SLC22A8: variants seen among roughly 807,000 people sequenced by gnomAD.
The protein encoded by SLC22A8 is solute carrier family 22 member 8.
Under a neutral mutation model 48.4 loss-of-function variants are expected in SLC22A8, and 40 were observed. The observed-to-expected ratio is 0.83, with a 90% CI of 0.64 to 1.08. The LOEUF is 1.08. SLC22A8 is among the 50% of genes least tolerant of loss of function. The pLI, the probability that SLC22A8 is intolerant of heterozygous loss-of-function variation, is 0.00. For synonymous variants in SLC22A8, 268 were observed against 286.3 expected (o/e 0.94, Z 0.65); for missense variants, 606 against 699.0 (o/e 0.87, Z 1.50).
At chr11:62,998,336 C>T (rs748004821) in intron 5 of SLC22A8, among the ~76,000 whole-genome samples, 15 of 152,190 alleles carry the variant, frequency 9.9e-5, no homozygotes, top group Non-Finnish European at 1.9e-4. Flanking sequence ...TCTCTGCCCA[C>T]TCTGGGTCTC....
intron 2 of SLC22A8, among the ~76,000 whole-genome samples, chr11:63,002,547 G>A (rs541610082): frequency 1.1e-4 from 16 of 151,530 alleles, no homozygotes; most frequent in Non-Finnish European, 2.2e-4. Context: ...CCTTCCCCCC[G>A]AGCTTTTGGT....
chr11:63,012,553 C>T (rs368947110), intron 2 of SLC22A8, among the ~76,000 whole-genome samples: 14 of 152,164 alleles, frequency 9.2e-5, no homozygotes, highest in South Asian at 2.1e-4. Flanking sequence ...CCAGCAAGCC[C>T]GCCTCAATCC....
chr11:63,006,844 T>C (rs1022314304), intron 2 of SLC22A8, among the ~76,000 whole-genome samples: 1 of 151,856 alleles, frequency 6.6e-6, no homozygotes, highest in Non-Finnish European at 1.5e-5. Context: ...CCTGACCTCA[T>C]GATCCTCCCG....
chr11:63,015,334 A>G (rs1413619515), intron 1 of SLC22A8, among the ~76,000 whole-genome samples: 3 of 152,204 alleles, frequency 2.0e-5, no homozygotes, highest in African/African-American at 7.2e-5. Context: ...GCACCTGCGG[A>G]CACGAGCATG....
At chr11:62,999,630 C>T (rs1284707393) in intron 4 of SLC22A8, 58 bp downstream of exon 4, 2 of 1,388,532 alleles carry the variant, frequency 1.4e-6, no homozygotes, top group Non-Finnish European at 1.9e-6. Context: ...ACCCCATTCT[C>T]TTTTGGCTTC....
At chr11:62,996,277 G>C in intron 5 of SLC22A8, 125 bp from the exon 6 acceptor site, 1 of 945,846 alleles carries the variant, frequency 1.1e-6, no homozygotes. Context: ...TCTCACTGCA[G>C]ATTTCATGGA....
chr11:63,009,101 C>G (rs1393936272), intron 2 of SLC22A8, among the ~76,000 whole-genome samples: 1 of 152,042 alleles, frequency 6.6e-6, no homozygotes, highest in Non-Finnish European at 1.5e-5. Flanking sequence ...TCCCAGGAGT[C>G]AGATTGGAGG....
chr11:62,997,837 C>T (rs1041360525), intron 5 of SLC22A8, among the ~76,000 whole-genome samples: 5 of 152,188 alleles, frequency 3.3e-5, no homozygotes, highest in Admixed American at 2.0e-4. Context: ...GGATCAGAGA[C>T]GACGTAGGTT....
Position 62,995,690 on chromosome 11 carries a change from G to T in SLC22A8, c.1001+14C>A, listed in dbSNP as rs764973677. 25 of 1,593,052 alleles carry T rather than the reference G, an allele frequency of 1.6e-5. No homozygotes were observed. Among genetic ancestry groups the T allele is most frequent in the Non-Finnish European group, 2.2e-5 (25 of 1,160,938 alleles). On this transcript the variant is annotated intron_variant, in intron 7 of 10. Coordinates refer to ENST00000336232, the MANE Select transcript of SLC22A8 (RefSeq NM_004254.4). ...CCTTCCTTGGCAGGGTGTGGGCAGG[G>T]AGAGGGGGGTTACCAGGCCAGGGAA...
chr11:63,004,540 G>C (rs1332335207), intron 2 of SLC22A8, among the ~76,000 whole-genome samples: 1 of 152,062 alleles, frequency 6.6e-6, no homozygotes, highest in Non-Finnish European at 1.5e-5. Flanking sequence ...TCAGATCTTT[G>C]CTCAAATGTT....
chr11:63,015,073 G>A, intron 1 of SLC22A8, 90 bp from the exon 2 acceptor site: 4 of 789,404 alleles, frequency 5.1e-6, no homozygotes, highest in Non-Finnish European at 7.9e-6. Flanking sequence ...TGAACCAGGT[G>A]GATATGCGAG....
intron 6 of SLC22A8, 35 bp downstream of exon 6, chr11:62,995,994 G>A: frequency 6.2e-7 from 1 of 1,613,002 alleles, no homozygotes; most frequent in East Asian, 2.2e-5. Flanking sequence ...GGAGCACAGG[G>A]GTTCTGCTCC....
At chr11:63,008,624 A>G (rs1010417749) in intron 2 of SLC22A8, among the ~76,000 whole-genome samples, 1 of 152,180 alleles carries the variant, frequency 6.6e-6, no homozygotes, top group Non-Finnish European at 1.5e-5. Flanking sequence ...AGCACCCAGC[A>G]CTTATACCTG....
chr11:62,999,042 G>A lies in SLC22A8; in HGVS notation c.640C>T (p.Leu214Phe), dbSNP rs761939082. 6.2e-7 allele frequency: 1 copy of A among 1,614,050 alleles called. No homozygotes were observed. Among genetic ancestry groups the A allele is most frequent in the Non-Finnish European group, 8.5e-7 (1 of 1,179,970 alleles). ...TGGCCAAAGGTGTAGCAGTACCCGA[G>A]TGCTGTCGACATGATGGCCCGCATC... ...TRMRAIMSTA[L>F]GYCYTFGQFI... Residue 214 changes from leucine (L) to phenylalanine (F), a missense_variant, in exon 5 of 11, where the codon CTC becomes TTC. Coordinates refer to ENST00000336232, the MANE Select transcript of SLC22A8 (RefSeq NM_004254.4).
intron 8 of SLC22A8, 108 bp downstream of exon 8, chr11:62,994,434 C>T: frequency 1.3e-6 from 1 of 787,890 alleles, no homozygotes; most frequent in South Asian, 1.6e-5. Flanking sequence ...AGTGCAGGGA[C>T]CTGCTCAAGG....
intron 5 of SLC22A8, among the ~76,000 whole-genome samples, 196 bp from the exon 6 acceptor site, chr11:62,996,348 C>A (rs1332302673): frequency 1.3e-5 from 2 of 152,264 alleles, no homozygotes; most frequent in Admixed American, 6.5e-5. Context: ...TTCCAGTGTT[C>A]TCTTCTTCCC....
chr11:62,993,924 C>T, intron 8 of SLC22A8, 46 bp from the exon 9 acceptor site: 1 of 1,186,268 alleles, frequency 8.4e-7, no homozygotes, highest in Non-Finnish European at 1.3e-6. Context: ...TCAGGAGCAC[C>T]TAAGAGTTCT....
At chr11:62,995,104 C>T (rs1254891610) in intron 7 of SLC22A8, 1 of 374,928 alleles carries the variant, frequency 2.7e-6, no homozygotes, top group Middle Eastern at 8.6e-4. Flanking sequence ...TCCAGACTGG[C>T]GAGGTGAGCA....
chr11:62,999,616 C>A, intron 4 of SLC22A8, 72 bp downstream of exon 4: 2 of 1,318,162 alleles, frequency 1.5e-6, no homozygotes, highest in South Asian at 3.6e-5. Flanking sequence ...TGAGCCAGAC[C>A]CAGACCCCAT....
Sources: gnomAD v4.1 joint callset for allele counts (sites outside exome capture counted in the v4.1 genomes callset) on GRCh38, gnomAD v4.1.1 for gene constraint, MANE v1.5 for transcripts, NCBI Gene and HGNC (gene_info 2026-07-23, HGNC 2026-07-21) for gene names.